Variants in KDM2B observed in about 807,000 individuals in gnomAD.
KDM2B encodes lysine demethylase 2B.
In KDM2B, 26 loss-of-function variants were observed where a neutral mutation model predicts 150.0. The observed-to-expected ratio is 0.17, with a 90% CI of 0.13 to 0.24. KDM2B has a LOEUF of 0.24. KDM2B is among the 10% of genes least tolerant of loss of function. KDM2B has a pLI of 1.00. For synonymous variants in KDM2B, 734 were observed against 729.5 expected (o/e 1.01, Z -0.10); for missense variants, 1,265 against 1,816.9 (o/e 0.70, Z 5.52).
At chr12:121,558,969 C>T (rs768770618) in intron 4 of KDM2B, among the ~76,000 whole-genome samples, 50 of 152,174 alleles carry the variant, frequency 3.3e-4, no homozygotes, top group Admixed American at 7.9e-4. Flanking sequence ...TCTTGGCCTC[C>T]GCTACTTTGC....
chr12:121,416,877 CTT>C, the KDM2B span, among the ~76,000 whole-genome samples: 1 of 152,268 alleles, frequency 6.6e-6, no homozygotes, highest in Admixed American at 6.5e-5. Context: ...TCCTTGCTCT[CTT>C]TGATCTTTAG....
rs181431900 is a variant in KDM2B, at chr12:121,458,353, C to T, written c.1735-5009G>A. On this transcript the variant is annotated intron_variant, in intron 12 of 22. Transcript: ENST00000377071. ...ATCAAGCCACTGCATCCAACCTGGA[C>T]GACAGAATAAAACCTTGTCTCAAAA... Among the ~76,000 whole-genome samples the T allele has an allele frequency of 1.2e-4, 18 of 151,972 alleles. No homozygotes were observed. In the East Asian group the frequency reaches 1.7e-3, roughly 15 times the overall value.
intron 12 of KDM2B, among the ~76,000 whole-genome samples, chr12:121,489,410 C>T (rs1883120540): frequency 6.6e-6 from 1 of 151,886 alleles, no homozygotes; most frequent in Non-Finnish European, 1.5e-5. Flanking sequence ...GCTGAGACTA[C>T]AGGCGTGAGC....
chr12:121,544,535 G>A (rs992018621), intron 6 of KDM2B, among the ~76,000 whole-genome samples: 7 of 152,046 alleles, frequency 4.6e-5, no homozygotes, highest in Admixed American at 2.0e-4. Context: ...GCTTGATCCC[G>A]GGAGGCGGAG....
Position 121,442,801 on chromosome 12 carries a change from C to T in KDM2B, c.2640G>A (p.Ala880=), listed in dbSNP as rs782220122. 2.6e-5 allele frequency: 40 copies of T among 1,532,354 alleles called. No homozygotes were observed. The highest frequency in any genetic ancestry group is 3.2e-5 in the Non-Finnish European group (37 of 1,146,158). The allele number at this position is 1,532,354 out of a possible 1,614,324, so 94.9% of individuals were successfully genotyped here. A position where few individuals can be genotyped will look rare whatever the true frequency, so the allele number is the denominator to read the frequency against. Residue 880 remains alanine, a synonymous_variant, in exon 19 of 23, where the codon GCG becomes GCA. Transcript: ENST00000377071. The surrounding 1 kb of genome is among the most constrained non-coding windows in gnomAD (Gnocchi z 7.7). Reference sequence around the variant, plus strand: ...AGCGCCGGAGGGGCTTGTTGGCCAGCGCCATGCGGTCCTCGGCGTTCTTCC... The same window carrying T: ...AGCGCCGGAGGGGCTTGTTGGCCAGTGCCATGCGGTCCTCGGCGTTCTTCC... The part of the protein sequence containing the change: ...RSWKNAEDRM[A]LANKPLRRFK...
intron 21 of KDM2B, 45 bp downstream of exon 21, chr12:121,440,771 C>T (rs782120770): frequency 1.2e-5 from 18 of 1,553,074 alleles, no homozygotes; most frequent in Non-Finnish European, 1.5e-5. Flanking sequence ...AACAGTCTAG[C>T]TCGCTCACCC....
chr12:121,527,502 A>G (rs1372412952), intron 8 of KDM2B, among the ~76,000 whole-genome samples: 3 of 150,522 alleles, frequency 2.0e-5, no homozygotes, highest in Non-Finnish European at 3.0e-5. Context: ...AATACAAAAA[A>G]AGTTAGCCGG....
Position 121,521,300 on chromosome 12 carries a change from A to G in KDM2B, c.932-200T>C, listed in dbSNP as rs2141203104. 6.6e-6 allele frequency among the ~76,000 whole-genome samples: 1 copy of G among 152,242 alleles called. No individual in the cohort carries two copies. Among genetic ancestry groups the G allele is most frequent in the African/African-American group, 2.4e-5 (1 of 41,560 alleles). Reference sequence around the variant, plus strand: ...AGCCGCCGAGAGGACTCAGACTTGCAGCCTCGAGCAGCCACTGTCTGGCTC... The same window carrying G: ...AGCCGCCGAGAGGACTCAGACTTGCGGCCTCGAGCAGCCACTGTCTGGCTC... On this transcript the variant is annotated intron_variant, in intron 8 of 22. Transcript: ENST00000377071. The surrounding 1 kb of genome is among the most constrained non-coding windows in gnomAD (Gnocchi z 4.9).
chr12:121,410,421 C>T, the KDM2B span, among the ~76,000 whole-genome samples: 2 of 151,788 alleles, frequency 1.3e-5, no homozygotes, highest in African/African-American at 4.8e-5. Context: ...CCTGTAATCC[C>T]GGCTACTTGG....
At chr12:121,464,456 C>T (rs1487814294) in intron 12 of KDM2B, among the ~76,000 whole-genome samples, 2 of 152,262 alleles carry the variant, frequency 1.3e-5, no homozygotes, top group African/African-American at 4.8e-5. Flanking sequence ...CCCCTGTCTC[C>T]TGTCCCACAG....
Position 121,513,551 on chromosome 12 carries a change from G to T in KDM2B, c.1048-149C>A. 2 of 854,926 alleles carry T rather than the reference G, an allele frequency of 2.3e-6. No homozygotes were observed. The highest frequency in any genetic ancestry group is 5.0e-5 in the Admixed American group (2 of 40,294). 53.0% of individuals were successfully genotyped at this position (854,926 alleles called of 1,614,324 possible). A position where few individuals can be genotyped will look rare whatever the true frequency, so the allele number is the denominator to read the frequency against. Reference sequence around the variant, plus strand: ...GGATGGTCGGGGGAGAAATGGTGGGGTGCTGGAAGGGAGATGCCGGCAGCA... The same window carrying T: ...GGATGGTCGGGGGAGAAATGGTGGGTTGCTGGAAGGGAGATGCCGGCAGCA... On this transcript the variant is annotated intron_variant, in intron 9 of 22. Transcript: ENST00000377071. The surrounding 1 kb of genome is among the most constrained non-coding windows in gnomAD (Gnocchi z 5.0).
chr12:121,424,716 A>C (rs1593684387), downstream of KDM2B, among the ~76,000 whole-genome samples: 2 of 142,394 alleles, frequency 1.4e-5, no homozygotes, highest in East Asian at 3.9e-4. Flanking sequence ...GTCTCAAAAA[A>C]AAAAAAAAAG....
At position 121,549,313 on chromosome 12, in the gene KDM2B, A is replaced by G. The variant is rs1889308411; in HGVS notation, c.576+147T>C. On this transcript the variant is annotated intron_variant, in intron 5 of 22. Coordinates refer to ENST00000377071, the MANE Select transcript of KDM2B (RefSeq NM_032590.5). The surrounding 1 kb of genome is among the most constrained non-coding windows in gnomAD (Gnocchi z 4.4). ...GATCCCTGTCTCTACAAACCACGTT[A>G]CCAACCTTAGTCACCCCTATGCCTG... 4.3e-6 allele frequency: 3 copies of G among 689,898 alleles called. No homozygotes were observed. The highest frequency in any genetic ancestry group is 7.2e-6 in the Non-Finnish European group (3 of 419,578). 42.7% of individuals were successfully genotyped at this position (689,898 alleles called of 1,614,324 possible).
In KDM2B at chr12:121,513,970, TG is replaced by T. The variant is rs2022979389; in HGVS notation, c.1048-569del. 6.6e-6 allele frequency among the ~76,000 whole-genome samples: 1 copy of T among 151,750 alleles called. No individual in the cohort carries two copies. The highest frequency in any genetic ancestry group is 1.5e-5 in the Non-Finnish European group (1 of 67,946). ...GTGTGGCCTCGCCTACCTCCAGGGGTGGGGCCTTGAAGGGGTCCATCTCCTG... is the reference window on the plus strand; with the variant it reads ...GTGTGGCCTCGCCTACCTCCAGGGGTGGGCCTTGAAGGGGTCCATCTCCTG... On this transcript the variant is annotated intron_variant, in intron 9 of 22. Coordinates refer to ENST00000377071, the MANE Select transcript of KDM2B (RefSeq NM_032590.5). This position sits in a 1 kb window ranked among gnomAD's most constrained non-coding sequence, Gnocchi z 5.0.
At chr12:121,480,959 G>A (rs1366178805) in intron 12 of KDM2B, among the ~76,000 whole-genome samples, 3 of 143,704 alleles carry the variant, frequency 2.1e-5, no homozygotes, top group African/African-American at 5.3e-5. Context: ...ATGGAGTCTC[G>A]CTCTGTCGCC....
At position 121,431,000 on chromosome 12, in the gene KDM2B, G is replaced by A. The variant is rs934986280; in HGVS notation, c.3830-531C>T. Among the ~76,000 whole-genome samples, 2 of 152,168 alleles carry A rather than the reference G, an allele frequency of 1.3e-5. No homozygotes were observed. The highest frequency in any genetic ancestry group is 2.1e-4 in the South Asian group (1 of 4,838). ...CCGCAGTGCTTTGGAGCAATTCACA[G>A]CATGAGGGACAGCTGTTTGGCCCTA... On this transcript the variant is annotated intron_variant, in intron 22 of 22. Coordinates refer to ENST00000377071, the MANE Select transcript of KDM2B (RefSeq NM_032590.5). This position sits in a 1 kb window ranked among gnomAD's most constrained non-coding sequence, Gnocchi z 4.4.
At chr12:121,435,233 A>AT (rs1326897099) in intron 22 of KDM2B, among the ~76,000 whole-genome samples, 1 of 152,224 alleles carries the variant, frequency 6.6e-6, no homozygotes, top group Non-Finnish European at 1.5e-5. Flanking sequence ...AATGTACTTA[A>AT]TGCCACTGAA....
intron 8 of KDM2B, among the ~76,000 whole-genome samples, chr12:121,526,884 T>G (rs1555306873): frequency 6.6e-6 from 1 of 151,714 alleles, no homozygotes; most frequent in Non-Finnish European, 1.5e-5. Flanking sequence ...CTACAAAAAT[T>G]AGCTGGGCGT....
chr12:121,573,607 C>G (rs141771223), intron 4 of KDM2B, among the ~76,000 whole-genome samples: 1 of 145,804 alleles, frequency 6.9e-6, no homozygotes, highest in Non-Finnish European at 1.5e-5. Context: ...TTTTTTGAGA[C>G]GGAGTCTCGC....
Sources: allele counts gnomAD v4.1 joint callset (sites outside exome capture counted in the v4.1 genomes callset), GRCh38; gene constraint gnomAD v4.1.1; non-coding constraint Gnocchi (gnomAD v3.1); transcripts MANE v1.5; gene names NCBI Gene and HGNC (gene_info 2026-07-23, HGNC 2026-07-21).